STX17: variants seen among roughly 807,000 people sequenced by gnomAD.
STX17 encodes the protein syntaxin 17.
A neutral mutation model predicts 35.9 loss-of-function variants in STX17; 29 were observed. The ratio of observed to expected loss-of-function variants is 0.81; its 90% confidence interval spans 0.60 to 1.10. The LOEUF is 1.10. Among genes scored for constraint, STX17 ranks in the 50% least tolerant of loss-of-function variants. STX17 has a pLI of 0.00. For missense variants in STX17, 312 were observed against 352.3 expected (o/e 0.89, Z 0.92); for synonymous variants, 92 against 118.3 (o/e 0.78, Z 1.44).
At chr9:99,956,077 G>A (rs1302578366) in intron 4 of STX17, among the ~76,000 whole-genome samples, 1 of 152,092 alleles carries the variant, frequency 6.6e-6, no homozygotes, top group Non-Finnish European at 1.5e-5. Flanking sequence ...ATTGATTAGC[G>A]AGGTTTAGAG....
At chr9:99,941,872 T>C (rs1829371463) in intron 3 of STX17, among the ~76,000 whole-genome samples, 2 of 152,304 alleles carry the variant, frequency 1.3e-5, no homozygotes, top group South Asian at 2.1e-4. Flanking sequence ...GAACATACCA[T>C]AGTGTTTCCA....
chr9:99,912,764 CT>C (rs1323125929), intron 1 of STX17, among the ~76,000 whole-genome samples: 2 of 152,156 alleles, frequency 1.3e-5, no homozygotes, highest in African/African-American at 2.4e-5. Flanking sequence ...TTTTATTATA[CT>C]TCATCACACT....
rs757447971 is a variant in STX17, at chr9:99,972,914, A to G, written c.*4241A>G. ...TAGAACGTGGCTGTGGTTCACAGGT[A>G]CTTAACGAATGTTAGATGATGTTCT... On this transcript the variant is annotated 3_prime_UTR_variant, in exon 8 of 8. Transcript: ENST00000259400. 1.3e-5 allele frequency among the ~76,000 whole-genome samples: 2 copies of G among 152,200 alleles called. No homozygotes were observed. Among genetic ancestry groups the G allele is most frequent in the Non-Finnish European group, 2.9e-5 (2 of 68,040 alleles).
intron 4 of STX17, among the ~76,000 whole-genome samples, chr9:99,955,756 G>A (rs901855913): frequency 6.6e-6 from 1 of 152,044 alleles, no homozygotes; most frequent in African/African-American, 2.4e-5. Context: ...AAAAAACAGT[G>A]GTGAGTGATA....
chr9:99,950,136 C>A (rs1283936039), intron 3 of STX17, among the ~76,000 whole-genome samples: 1 of 151,832 alleles, frequency 6.6e-6, no homozygotes, highest in Non-Finnish European at 1.5e-5. Context: ...AAATTTATAA[C>A]TAAGCCAGTA....
intron 2 of STX17, among the ~76,000 whole-genome samples, chr9:99,924,927 A>G (rs1828959102): frequency 6.6e-6 from 1 of 152,188 alleles, no homozygotes; most frequent in Non-Finnish European, 1.5e-5. Context: ...TCCTGCTGTC[A>G]GGTTGAGGAA....
intron 3 of STX17, among the ~76,000 whole-genome samples, chr9:99,948,854 T>C (rs1411791038): frequency 6.6e-6 from 1 of 152,174 alleles, no homozygotes; most frequent in Non-Finnish European, 1.5e-5. Flanking sequence ...ATGTACAAAT[T>C]ACATAAGTGA....
intron 3 of STX17, among the ~76,000 whole-genome samples, chr9:99,943,695 T>G (rs1011456062): frequency 2.0e-5 from 3 of 152,228 alleles, no homozygotes; most frequent in Non-Finnish European, 2.9e-5. Context: ...ATCTTTTATA[T>G]GAAGCTAGAT....
chr9:99,956,446 T>G (rs1353528430), intron 4 of STX17, among the ~76,000 whole-genome samples: 1 of 152,174 alleles, frequency 6.6e-6, no homozygotes, highest in African/African-American at 2.4e-5. Flanking sequence ...ATAATGAAGT[T>G]ATCATTATTC....
intron 4 of STX17, among the ~76,000 whole-genome samples, chr9:99,955,112 A>C (rs1271369704): frequency 6.6e-6 from 1 of 152,124 alleles, no homozygotes; most frequent in African/African-American, 2.4e-5. Flanking sequence ...TACAGAGTGA[A>C]TCAGTGCTTC....
chr9:99,926,707 C>G (rs952168951), intron 2 of STX17, among the ~76,000 whole-genome samples: 1 of 152,110 alleles, frequency 6.6e-6, no homozygotes, highest in Non-Finnish European at 1.5e-5. Context: ...ACCATATTAG[C>G]CAGGATGGTC....
In STX17 at chr9:99,973,954, G is replaced by A. The variant is rs1484958087; in HGVS notation, c.*5281G>A. 6.6e-6 allele frequency among the ~76,000 whole-genome samples: 1 copy of A among 152,008 alleles called. No individual in the cohort carries two copies. The highest frequency in any genetic ancestry group is 1.5e-5 in the Non-Finnish European group (1 of 67,994). The stretch of plus-strand genomic sequence containing the variant: ...TTTTTCTATGGTGAAGGTTCAAACT[G>A]GTAATAAACCATGTTTACATTTTTC... On this transcript the variant is annotated 3_prime_UTR_variant, in exon 8 of 8. Coordinates refer to ENST00000259400, the MANE Select transcript of STX17 (RefSeq NM_017919.3).
Position 99,960,052 on chromosome 9 carries a change from C to T in STX17, c.531+20C>T, listed in dbSNP as rs767738250. The T allele has an allele frequency of 1.3e-5, 21 of 1,613,784 alleles. No homozygotes were observed. The South Asian group carries it at 2.3e-4, about 18-fold the overall frequency. Reference sequence around the variant, plus strand: ...GAAGCGGTATGTTAAAAAATGTTTTCTTTTTGGTAGTTGTGAGGCATAAAA... The same window carrying T: ...GAAGCGGTATGTTAAAAAATGTTTTTTTTTTGGTAGTTGTGAGGCATAAAA... On this transcript the variant is annotated intron_variant, in intron 5 of 7. Coordinates refer to ENST00000259400, the MANE Select transcript of STX17 (RefSeq NM_017919.3).
At chr9:99,968,037 G>C (rs938772425) in intron 7 of STX17, among the ~76,000 whole-genome samples, 1 of 152,186 alleles carries the variant, frequency 6.6e-6, no homozygotes, top group Non-Finnish European at 1.5e-5. Context: ...CAGCACACAT[G>C]GAGTGGGACC....
At chr9:99,915,673 A>G (rs926516219) in intron 2 of STX17, among the ~76,000 whole-genome samples, 2 of 150,012 alleles carry the variant, frequency 1.3e-5, no homozygotes, top group Admixed American at 6.6e-5. Context: ...GCCTACTGCA[A>G]CCTCAAACTT....
At chr9:99,917,801 T>C (rs757278709) in intron 2 of STX17, among the ~76,000 whole-genome samples, 9 of 152,230 alleles carry the variant, frequency 5.9e-5, no homozygotes, top group Non-Finnish European at 2.9e-5. Flanking sequence ...AAACTTACTG[T>C]GTAGCACATA....
Position 99,973,711 on chromosome 9 carries a change from C to G in STX17, c.*5038C>G, listed in dbSNP as rs1173066264. Among the ~76,000 whole-genome samples, 1 of 152,174 alleles carries G rather than the reference C, an allele frequency of 6.6e-6. No homozygotes were observed. Among genetic ancestry groups the G allele is most frequent in the Non-Finnish European group, 1.5e-5 (1 of 68,028 alleles). ...GATCTTCCCCCAACTTTAAGTGACT[C>G]AGTTCCTTATATCACTGCCACAAGA... On this transcript the variant is annotated 3_prime_UTR_variant, in exon 8 of 8. Transcript: ENST00000259400.
At chr9:99,937,051 C>T (rs532375355) in intron 3 of STX17, among the ~76,000 whole-genome samples, 1 of 152,240 alleles carries the variant, frequency 6.6e-6, no homozygotes, top group South Asian at 2.1e-4. Context: ...TATACATTGA[C>T]TTTTTTCTTT....
rs1355170871 is a variant in STX17 at position 99,973,565 on chromosome 9, TC to T, written c.*4894del. ...CAACCTTAGTGGTCACCAACTTGAC[TC>T]CATTCCTTATATCAAGACTTGTCCT... On this transcript the variant is annotated 3_prime_UTR_variant, in exon 8 of 8. Transcript: ENST00000259400. Among the ~76,000 whole-genome samples, 3 of 152,292 alleles carry T rather than the reference TC, an allele frequency of 2.0e-5. No individual in the cohort carries two copies. The highest frequency in any genetic ancestry group is 2.1e-4 in the South Asian group (1 of 4,828).
Sources: gnomAD v4.1 joint callset for allele counts (sites outside exome capture counted in the v4.1 genomes callset) on GRCh38, gnomAD v4.1.1 for gene constraint, MANE v1.5 for transcripts, NCBI Gene and HGNC (gene_info 2026-07-23, HGNC 2026-07-21) for gene names.